The following AJAP1 variants were observed in gnomAD, a reference collection of about 807,000 sequenced individuals.
AJAP1 encodes the protein adherens junction-associated protein 1.
AJAP1 carries 5 observed loss-of-function variants against 35.0 expected under a neutral mutation model. The ratio of observed to expected loss-of-function variants is 0.14; its 90% CI spans 0.07 to 0.30. The LOEUF is 0.30. AJAP1 is among the 10% of genes least tolerant of loss of function. AJAP1 has a pLI of 1.00. For synonymous variants in AJAP1, 284 were observed against 249.3 expected (o/e 1.14, Z -1.31); for missense variants, 586 against 571.0 (o/e 1.03, Z -0.27).
chr1:4,739,241 C>G (rs548271527), intron 2 of AJAP1, among the ~76,000 whole-genome samples: 4 of 152,250 alleles, frequency 2.6e-5, no homozygotes, highest in Non-Finnish European at 5.9e-5. Flanking sequence ...CAGCATCCCA[C>G]TTTGCTCACA....
intron 1 of AJAP1, among the ~76,000 whole-genome samples, chr1:4,671,642 C>G (rs1192312656): frequency 6.6e-6 from 1 of 152,174 alleles, no homozygotes; most frequent in Non-Finnish European, 1.5e-5. Context: ...CACACCTCTT[C>G]CAGTCCTGTG....
chr1:4,723,059 C>T lies in AJAP1; in HGVS notation c.829+10360C>T, dbSNP rs1353530515. ...CAGGAGGCAATGATACCAGATGGGA[C>T]GTGATAACTTGTAGAGAGGTGGGAC... On this transcript the variant is annotated intron_variant, in intron 2 of 5. Transcript: ENST00000378191. The surrounding 1 kb of genome is among the most constrained non-coding windows in gnomAD (Gnocchi z 4.3). Among the ~76,000 whole-genome samples, 1 of 152,054 alleles carries T rather than the reference C, an allele frequency of 6.6e-6. No homozygotes were observed. The highest frequency in any genetic ancestry group is 2.4e-5 in the African/African-American group (1 of 41,394).
intron 1 of AJAP1, among the ~76,000 whole-genome samples, chr1:4,710,066 A>G (rs1416554787): frequency 1.3e-5 from 2 of 152,072 alleles, no homozygotes; most frequent in Non-Finnish European, 2.9e-5. Context: ...ACACTCACAC[A>G]TAGAGTCTCT....
chr1:4,725,692 T>G (rs1640639052), intron 2 of AJAP1, among the ~76,000 whole-genome samples: 1 of 151,882 alleles, frequency 6.6e-6, no homozygotes, highest in Non-Finnish European at 1.5e-5. Context: ...ACAATCAAAA[T>G]ATGTTCTCCA....
At chr1:4,738,113 T>C (rs1640972978) in intron 2 of AJAP1, among the ~76,000 whole-genome samples, 1 of 152,188 alleles carries the variant, frequency 6.6e-6, no homozygotes, top group African/African-American at 2.4e-5. Flanking sequence ...TTACACTTCT[T>C]GTCTTGCTAA....
intron 1 of AJAP1, among the ~76,000 whole-genome samples, chr1:4,657,678 A>G (rs1638911133): frequency 8.3e-6 from 1 of 120,204 alleles, no homozygotes; most frequent in Admixed American, 1.0e-4. Flanking sequence ...GGCTTGCTCC[A>G]CCATGGGAGA....
At position 4,792,161 on chromosome 1, in the gene AJAP1, G is replaced by T. The variant is rs1283981115; in HGVS notation, c.*9676G>T. ...GTTATTTTTCAAAAGGAAAACAAAA[G>T]CCTCTCTGTTTTCATGTTCTCCGTA... On this transcript the variant is annotated 3_prime_UTR_variant, in exon 6 of 6. Transcript: ENST00000378191. The T allele has an allele frequency of 6.6e-6, 1 of 152,060 alleles. No homozygotes were observed. The highest frequency in any genetic ancestry group is 2.4e-5 in the African/African-American group (1 of 41,396). 9.4% of individuals were successfully genotyped at this position (152,060 alleles called of 1,614,324 possible). A position where few individuals can be genotyped will look rare whatever the true frequency, so the allele number is the denominator to read the frequency against.
chr1:4,699,226 T>G (rs1471549813), intron 1 of AJAP1, among the ~76,000 whole-genome samples: 1 of 152,288 alleles, frequency 6.6e-6, no homozygotes, highest in South Asian at 2.1e-4. Context: ...CTTGACCATC[T>G]TGCTCTCCTG....
chr1:4,700,717 CAGG>C (rs1639968993), intron 1 of AJAP1, among the ~76,000 whole-genome samples: 1 of 152,190 alleles, frequency 6.6e-6, no homozygotes, highest in Admixed American at 6.5e-5. Context: ...AGGGGAAGCA[CAGG>C]AGGTGGCCTG....
In AJAP1 at chr1:4,667,498, C is replaced by A. The variant is rs143189891; in HGVS notation, c.29+12044C>A. 2.1e-3 allele frequency among the ~76,000 whole-genome samples: 323 copies of A among 152,334 alleles called. 2 individuals are homozygous for A. The highest frequency in any genetic ancestry group is 0.01 in the Middle Eastern group (3 of 294). Reference sequence around the variant, plus strand: ...TGGATGGTTTCTGGATAAAACTGTTCCACCTCAGATCATCAGGCATTAGAT... The same window carrying A: ...TGGATGGTTTCTGGATAAAACTGTTACACCTCAGATCATCAGGCATTAGAT... On this transcript the variant is annotated intron_variant, in intron 1 of 5. Coordinates refer to ENST00000378191, the MANE Select transcript of AJAP1 (RefSeq NM_018836.4).
intron 1 of AJAP1, among the ~76,000 whole-genome samples, chr1:4,684,790 C>T (rs958660891): frequency 1.3e-5 from 2 of 152,142 alleles, no homozygotes; most frequent in African/African-American, 4.8e-5. Flanking sequence ...GCAATGGGAT[C>T]GCCGTTGATT....
intron 1 of AJAP1, among the ~76,000 whole-genome samples, chr1:4,709,289 G>A (rs1417694561): frequency 2.0e-5 from 3 of 150,170 alleles, no homozygotes; most frequent in South Asian, 4.3e-4. Flanking sequence ...CTGGTGGAGT[G>A]TAGTGGGGCC....
chr1:4,710,883 G>C (rs886636817), intron 1 of AJAP1, among the ~76,000 whole-genome samples: 1 of 152,160 alleles, frequency 6.6e-6, no homozygotes, highest in African/African-American at 2.4e-5. Flanking sequence ...GGCGACCCCA[G>C]ACCTGGTGAC....
chr1:4,746,355 CAA>C (rs1641187756), intron 2 of AJAP1, among the ~76,000 whole-genome samples: 1 of 152,212 alleles, frequency 6.6e-6, no homozygotes, highest in Non-Finnish European at 1.5e-5. Flanking sequence ...CACATCTGCA[CAA>C]CCCTGTCTCC....
intron 1 of AJAP1, among the ~76,000 whole-genome samples, chr1:4,664,707 T>C (rs1452279261): frequency 6.6e-6 from 1 of 152,112 alleles, no homozygotes; most frequent in Non-Finnish European, 1.5e-5. Context: ...TTGCTTCTAC[T>C]TGGAGCATCT....
At chr1:4,696,694 T>C (rs1639868960) in intron 1 of AJAP1, among the ~76,000 whole-genome samples, 1 of 152,246 alleles carries the variant, frequency 6.6e-6, no homozygotes, top group Non-Finnish European at 1.5e-5. Context: ...TGTGCATCTG[T>C]GTACTGGCTG....
chr1:4,756,282 G>A (rs1472631473), intron 2 of AJAP1, among the ~76,000 whole-genome samples: 1 of 152,228 alleles, frequency 6.6e-6, no homozygotes, highest in African/African-American at 2.4e-5. Flanking sequence ...AAGCAGCTCA[G>A]GGAGGGCTGC....
intron 1 of AJAP1, among the ~76,000 whole-genome samples, chr1:4,704,789 C>T (rs1323171023): frequency 6.6e-6 from 1 of 152,158 alleles, no homozygotes; most frequent in Non-Finnish European, 1.5e-5. Flanking sequence ...TAAAAGTGTT[C>T]CTATTTCTCC....
intron 1 of AJAP1, among the ~76,000 whole-genome samples, chr1:4,687,539 A>G (rs1254972616): frequency 6.6e-6 from 1 of 152,200 alleles, no homozygotes; most frequent in East Asian, 1.9e-4. Flanking sequence ...CAAATAAGAC[A>G]GAGAAGGAAC....
Sources: allele counts gnomAD v4.1 joint callset (sites outside exome capture counted in the v4.1 genomes callset), GRCh38; gene constraint gnomAD v4.1.1; non-coding constraint Gnocchi (gnomAD v3.1); transcripts MANE v1.5; gene names NCBI Gene and HGNC (gene_info 2026-07-23, HGNC 2026-07-21).